SSU72: variants seen among roughly 807,000 people sequenced by gnomAD.
The protein encoded by SSU72 is SSU72 homolog, RNA polymerase II CTD phosphatase, also known as RNA polymerase II subunit A C-terminal domain phosphatase SSU72.
A neutral mutation model predicts 22.7 loss-of-function variants in SSU72; 12 were observed. That is an observed-to-expected ratio of 0.53 (90% confidence interval 0.34 to 0.86). SSU72 has a LOEUF of 0.86. SSU72 is among the 40% of genes least tolerant of loss of function. The pLI is 0.02. For synonymous variants in SSU72, 116 were observed against 98.3 expected (o/e 1.18, Z -1.06); for missense variants, 151 against 249.8 (o/e 0.60, Z 2.67).
In SSU72 at chr1:1,541,895, T is replaced by C. The variant is rs1450723928; in HGVS notation, c.*171A>G. On this transcript the variant is annotated 3_prime_UTR_variant, in exon 5 of 5. Transcript: ENST00000291386. ...TAAGTAAAAGTGGAAAAGAAGAAAC[T>C]TGATTGCTTTCATCTGGCGTTTTGG... 2.2e-5 allele frequency: 13 copies of C among 600,534 alleles called. No homozygotes were observed. In the East Asian group the frequency reaches 2.7e-4, roughly 12 times the overall value. 37.2% of individuals were successfully genotyped at this position (600,534 alleles called of 1,614,324 possible).
chr1:1,547,895 A>G (rs1326799701), intron 2 of SSU72, among the ~76,000 whole-genome samples: 1 of 152,224 alleles, frequency 6.6e-6, no homozygotes, highest in Non-Finnish European at 1.5e-5. Flanking sequence ...TGCGCCGCCC[A>G]GGTCCTGCAG....
At chr1:1,545,202 C>T (rs113781619) in intron 2 of SSU72, 200 bp from the exon 3 acceptor site, 7 of 603,776 alleles carry the variant, frequency 1.2e-5, no homozygotes, top group East Asian at 2.9e-5. Flanking sequence ...ACAAAGTGGG[C>T]GATGGCAGGT....
intron 1 of SSU72, among the ~76,000 whole-genome samples, chr1:1,574,114 G>A (rs887079121): frequency 5.9e-5 from 9 of 152,010 alleles, no homozygotes; most frequent in Admixed American, 5.2e-4. Flanking sequence ...GTGGTATGCC[G>A]TGATTGTGTT....
intron 1 of SSU72, among the ~76,000 whole-genome samples, chr1:1,565,189 C>T (rs548453591): frequency 2.6e-5 from 4 of 152,190 alleles, no homozygotes; most frequent in African/African-American, 7.2e-5. Flanking sequence ...CTGGCTAACA[C>T]GGTGAAAACC....
intron 1 of SSU72, among the ~76,000 whole-genome samples, chr1:1,566,287 C>A (rs1642660279): frequency 6.6e-6 from 1 of 152,046 alleles, no homozygotes; most frequent in African/African-American, 2.4e-5. Flanking sequence ...AAAAAAGTTA[C>A]TTTGGTATAG....
rs558652395 is a variant in SSU72 at position 1,548,851 on chromosome 1, G to A, written c.225-3849C>T. 9.8e-5 allele frequency among the ~76,000 whole-genome samples: 15 copies of A among 152,340 alleles called. No individual in the cohort carries two copies. The East Asian group carries it at 2.1e-3, about 22-fold the overall frequency. ...GTGTGGCCAATCCCGAGAGGCCACC[G>A]GCCAGCATGAGCCAATGTCCTGGCC... On this transcript the variant is annotated intron_variant, in intron 2 of 4. Coordinates refer to ENST00000291386, the MANE Select transcript of SSU72 (RefSeq NM_014188.3).
rs1432571761 is a variant in SSU72, at chr1:1,542,972, C to T, written c.484-805G>A. 6.6e-6 allele frequency among the ~76,000 whole-genome samples: 1 copy of T among 152,252 alleles called. No homozygotes were observed. The highest frequency in any genetic ancestry group is 1.5e-5 in the Non-Finnish European group (1 of 68,042). ...TCCCAGCGCCCGCCCGCCTGGCTCC[C>T]GGGCTTTCCAAACACACCATCTTCT... is the stretch of plus-strand genomic sequence containing the variant. On this transcript the variant is annotated intron_variant, in intron 4 of 4. Coordinates refer to ENST00000291386, the MANE Select transcript of SSU72 (RefSeq NM_014188.3). The surrounding 1 kb of genome is among the most constrained non-coding windows in gnomAD (Gnocchi z 4.4).
intron 2 of SSU72, among the ~76,000 whole-genome samples, chr1:1,557,722 C>G (rs897060847): frequency 6.6e-6 from 1 of 151,040 alleles, no homozygotes; most frequent in Non-Finnish European, 1.5e-5. Context: ...CGCTTGAACC[C>G]GGGAGGCAAA....
At position 1,564,527 on chromosome 1, in the gene SSU72, G is replaced by A. The variant is rs1557504285; in HGVS notation, c.224+246C>T. On this transcript the variant is annotated intron_variant, in intron 2 of 4. Transcript: ENST00000291386. The stretch of plus-strand genomic sequence containing the variant: ...CTACGCTATGTCACGACCCTCTGCT[G>A]AACCACGTCAGGGTGAACCCCACAC... 4 of 1,538,132 alleles carry A rather than the reference G, an allele frequency of 2.6e-6. No individual in the cohort carries two copies. The East Asian group carries it at 9.8e-5, about 38-fold the overall frequency.
intron 2 of SSU72, among the ~76,000 whole-genome samples, chr1:1,551,298 A>G (rs1029286336): frequency 6.6e-6 from 1 of 152,102 alleles, no homozygotes; most frequent in East Asian, 1.9e-4. Flanking sequence ...CCCCACAGTA[A>G]AGACACTCAG....
rs1236307736 is a variant in SSU72 at position 1,544,543 on chromosome 1, G to A, written c.364+320C>T. The A allele has an allele frequency of 1.2e-4, 45 of 362,926 alleles. No individual in the cohort carries two copies. In the East Asian group the frequency reaches 1.5e-3, roughly 12 times the overall value. 22.5% of individuals were successfully genotyped at this position (362,926 alleles called of 1,614,324 possible). On this transcript the variant is annotated intron_variant, in intron 3 of 4. Coordinates refer to ENST00000291386, the MANE Select transcript of SSU72 (RefSeq NM_014188.3). ...TGAGGCAGGAGAATCACTTGAACCC[G>A]GGAGGCAGAGGTTGCAGTGAGCCTA...
intron 2 of SSU72, chr1:1,561,378 G>C (rs140723460): frequency 1.3e-5 from 2 of 152,080 alleles, no homozygotes; most frequent in African/African-American, 4.8e-5. Context: ...TCACCGCGCC[G>C]GCCCGTCCTT....
In SSU72 at chr1:1,541,735, G is replaced by GT. The variant is rs1642321672; in HGVS notation, c.*330dup. On this transcript the variant is annotated 3_prime_UTR_variant, in exon 5 of 5. Coordinates refer to ENST00000291386, the MANE Select transcript of SSU72 (RefSeq NM_014188.3). ...TCCTAACACGCCGCAGCAGGGCTCT[G>GT]TACAGTCCGGCCCGGTGGGGAGGAG... 8.2e-6 allele frequency: 3 copies of GT among 366,026 alleles called. No homozygotes were observed. Among genetic ancestry groups the GT allele is most frequent in the South Asian group, 6.8e-5 (3 of 44,336 alleles). 22.7% of individuals were successfully genotyped at this position (366,026 alleles called of 1,614,324 possible).
intron 1 of SSU72, among the ~76,000 whole-genome samples, chr1:1,572,462 T>C (rs1458022484): frequency 6.6e-6 from 1 of 150,770 alleles, no homozygotes; most frequent in Non-Finnish European, 1.5e-5. Flanking sequence ...TTATTTTATT[T>C]ATGTATTTAT....
chr1:1,567,998 A>G lies in SSU72; in HGVS notation c.81-3082T>C, dbSNP rs559605567. On this transcript the variant is annotated intron_variant, in intron 1 of 4. Transcript: ENST00000291386. Reference sequence around the variant, plus strand: ...GGAGACAGCCTGCCTCCCAACACCAACAAGAACTCACCACCTGCTGGACGT... The same window carrying G: ...GGAGACAGCCTGCCTCCCAACACCAGCAAGAACTCACCACCTGCTGGACGT... 1.1e-4 allele frequency among the ~76,000 whole-genome samples: 16 copies of G among 151,948 alleles called. No individual in the cohort carries two copies. The South Asian group carries it at 3.1e-3, about 30-fold the overall frequency.
chr1:1,564,587 G>C (rs1364004174), intron 2 of SSU72, 186 bp downstream of exon 2: 2 of 1,606,174 alleles, frequency 1.2e-6, no homozygotes, highest in South Asian at 1.1e-5. Context: ...TACTGCCATG[G>C]GTGGCACTGG....
intron 2 of SSU72, chr1:1,564,063 A>G (rs1381149562): frequency 6.4e-6 from 1 of 155,414 alleles, no homozygotes; most frequent in Non-Finnish European, 1.4e-5. Context: ...ACTACAAATC[A>G]CTCACTATAA....
At position 1,543,887 on chromosome 1, in the gene SSU72, G is replaced by A. The variant is rs1206017911; in HGVS notation, c.465C>T (p.Ile155=). The A allele has an allele frequency of 6.2e-7, 1 of 1,613,716 alleles. No individual in the cohort carries two copies. The highest frequency in any genetic ancestry group is 1.7e-5 in the Admixed American group (1 of 60,024). ...HEEATLGAFL[I]CELCQCIQHT... Reference sequence around the variant, plus strand: ...TACTTACACACTGGCAGAGCTCACAGATGAGAAACGCCCCCAGGGTGGCCT... The same window carrying A: ...TACTTACACACTGGCAGAGCTCACAAATGAGAAACGCCCCCAGGGTGGCCT... Residue 155 remains isoleucine, a synonymous_variant, in exon 4 of 5, where the codon ATC becomes ATT. Coordinates refer to ENST00000291386, the MANE Select transcript of SSU72 (RefSeq NM_014188.3).
chr1:1,574,405 C>T, intron 1 of SSU72, 73 bp downstream of exon 1: 5 of 1,493,756 alleles, frequency 3.3e-6, no homozygotes, highest in Admixed American at 2.0e-5. Context: ...TGGCGCGGGC[C>T]AGGGGGAACC....
Sources: allele counts gnomAD v4.1 joint callset (sites outside exome capture counted in the v4.1 genomes callset), GRCh38; gene constraint gnomAD v4.1.1; non-coding constraint Gnocchi (gnomAD v3.1); transcripts MANE v1.5; gene names NCBI Gene and HGNC (gene_info 2026-07-23, HGNC 2026-07-21).